Variants in OPHN1 observed in about 807,000 individuals in gnomAD.
The protein encoded by OPHN1 is oligophrenin-1.
OPHN1 carries 11 observed loss-of-function variants against 60.7 expected under a neutral mutation model. The ratio of observed to expected loss-of-function variants is 0.18; its 90% CI spans 0.11 to 0.30. OPHN1 has a LOEUF of 0.30. Ranked by LOEUF, OPHN1 falls within the 10% of genes least tolerant of loss-of-function variation. The pLI is 1.00. For synonymous variants in OPHN1, 226 were observed against 222.6 expected (o/e 1.02, Z -0.14); for missense variants, 449 against 611.0 (o/e 0.73, Z 2.80).
chrX:68,273,395 C>A (rs1203713472), intron 5 of OPHN1, among the ~76,000 whole-genome samples: 1 of 110,241 alleles, frequency 9.1e-6, no homozygotes, highest in African/African-American at 3.3e-5. Flanking sequence ...ATGAAACAGA[C>A]CTACACCTAG....
chrX:68,053,669 T>C lies in OPHN1; in HGVS notation c.2300A>G (p.Asn767Ser). 2.5e-6 allele frequency: 3 copies of C among 1,211,604 alleles called. No homozygotes were observed. The highest frequency in any genetic ancestry group is 3.4e-6 in the Non-Finnish European group (3 of 895,439). The change falls in exon 22 of 25, where the codon AAT (asparagine) becomes AGT (serine). Residue 767 changes from asparagine to serine, a missense_variant. By Grantham distance (46) the Asn-to-Ser change is conservative (BLOSUM62 1). Around this residue, in one of 4 missense-constraint regions of OPHN1, gnomAD observed 184 missense variants for 160.5 expected, o/e 1.15. Transcript: ENST00000355520. ...CACAGATGATGTGATTTCCCCCGCA[T>C]TGCCAGCCACAATATCTGGCTTTGG... ...PEPKPDIVAG[N>S]AGEITSSVVA...
chrX:68,190,915 A>G (rs752221568), intron 15 of OPHN1, among the ~76,000 whole-genome samples: 1 of 111,990 alleles, frequency 8.9e-6, no homozygotes, highest in Admixed American at 9.5e-5. Context: ...TAAGGTGATT[A>G]ATGAAAACAG....
intron 5 of OPHN1, among the ~76,000 whole-genome samples, chrX:68,255,316 G>T (rs1444283297): frequency 8.9e-6 from 1 of 111,824 alleles, no homozygotes; most frequent in Non-Finnish European, 1.9e-5. Flanking sequence ...ACAATATACT[G>T]AAATAAAAGT....
At chrX:68,216,363 A>C (rs978959872) in intron 6 of OPHN1, among the ~76,000 whole-genome samples, 2 of 111,724 alleles carry the variant, frequency 1.8e-5, no homozygotes, top group Non-Finnish European at 3.8e-5. Flanking sequence ...GATGGTAAAC[A>C]ATATAGTAGA....
chrX:68,153,696 T>A (rs1048272788), intron 15 of OPHN1, among the ~76,000 whole-genome samples: 1 of 111,434 alleles, frequency 9.0e-6, no homozygotes, highest in African/African-American at 3.3e-5. Flanking sequence ...GCACAAGGAT[T>A]CCTGCACATG....
intron 15 of OPHN1, among the ~76,000 whole-genome samples, chrX:68,129,150 C>T (rs1363317377): frequency 8.9e-6 from 1 of 111,911 alleles, no homozygotes; most frequent in Non-Finnish European, 1.9e-5. Flanking sequence ...GGAATGACTT[C>T]TAAACATATG....
intron 21 of OPHN1, among the ~76,000 whole-genome samples, chrX:68,061,145 C>T (rs901313670): frequency 3.6e-5 from 4 of 112,086 alleles, no homozygotes; most frequent in Non-Finnish European, 7.5e-5. Flanking sequence ...CTGCATCGTG[C>T]CAGCCTGTTG....
rs958094120 is a variant in OPHN1, at chrX:68,116,250, G to A, written c.1361+2998C>T. Among the ~76,000 whole-genome samples, 5 of 111,930 alleles carry A rather than the reference G, an allele frequency of 4.5e-5. No homozygotes were observed. In the South Asian group the frequency reaches 1.5e-3, roughly 34 times the overall value. On this transcript the variant is annotated intron_variant, in intron 16 of 24. Coordinates refer to ENST00000355520, the MANE Select transcript of OPHN1 (RefSeq NM_002547.3). Reference sequence around the variant, plus strand: ...GGAAAGAAATGAAGGAAAACAATGGGGGAAGGGGATTCTCTATAGAATGTG... The same window carrying A: ...GGAAAGAAATGAAGGAAAACAATGGAGGAAGGGGATTCTCTATAGAATGTG...
chrX:68,102,198 TTAGAACTCAGGATTAACAAAC>T (rs1278577936), intron 18 of OPHN1: 15 of 111,658 alleles, frequency 1.3e-4, no homozygotes, highest in Non-Finnish European at 1.9e-5. Context: ...TGCAATCAAA[TTAGAACTCAGGATTAACAAAC>T]TCACTCAAAA....
At chrX:68,376,956 G>A (rs1221685344) in intron 2 of OPHN1, among the ~76,000 whole-genome samples, 5 of 101,770 alleles carry the variant, frequency 4.9e-5, no homozygotes, top group Non-Finnish European at 9.9e-5. Flanking sequence ...TTGAGATGGA[G>A]TCTCACTCTA....
At chrX:68,271,052 C>A (rs903696053) in intron 5 of OPHN1, among the ~76,000 whole-genome samples, 1 of 111,566 alleles carries the variant, frequency 9.0e-6, no homozygotes, top group Non-Finnish European at 1.9e-5. Context: ...GCACCTATCA[C>A]AACCAGTGAA....
chrX:68,354,786 T>C (rs1305708539), intron 2 of OPHN1, among the ~76,000 whole-genome samples: 1 of 109,855 alleles, frequency 9.1e-6, no homozygotes, highest in Non-Finnish European at 1.9e-5. Context: ...AGAAACGTCA[T>C]GATGAGATAG....
chrX:68,058,019 G>A (rs2076879630), intron 21 of OPHN1, among the ~76,000 whole-genome samples: 1 of 111,207 alleles, frequency 9.0e-6, no homozygotes, highest in African/African-American at 3.3e-5. Context: ...GGGTACGTGT[G>A]CACAATGTGC....
chrX:68,101,393 T>C (rs184291678), intron 18 of OPHN1, among the ~76,000 whole-genome samples: 35 of 112,209 alleles, frequency 3.1e-4, no homozygotes, highest in Non-Finnish European at 5.4e-4. Context: ...TAAGAAACCA[T>C]TGATTTTCAG....
intron 20 of OPHN1, chrX:68,071,013 G>A (rs1471560497): frequency 8.1e-6 from 9 of 1,117,664 alleles, no homozygotes; most frequent in Non-Finnish European, 1.1e-5. Context: ...ACAGAGAAGT[G>A]CCAGTCTCCA....
At chrX:68,225,144 C>T (rs762267269) in intron 6 of OPHN1, among the ~76,000 whole-genome samples, 13 of 111,907 alleles carry the variant, frequency 1.2e-4, no homozygotes, top group African/African-American at 2.9e-4. Context: ...AGTCTGAGAG[C>T]GAACTGCAAG....
At chrX:68,209,226 C>T (rs750496797) in intron 9 of OPHN1, among the ~76,000 whole-genome samples, 1 of 111,781 alleles carries the variant, frequency 8.9e-6, no homozygotes, top group South Asian at 3.8e-4. Flanking sequence ...CATAATGTTA[C>T]TGAGGAATTA....
chrX:68,054,069 C>T (rs1297915216), intron 21 of OPHN1, among the ~76,000 whole-genome samples: 2 of 108,395 alleles, frequency 1.8e-5, no homozygotes, highest in Non-Finnish European at 3.8e-5. Flanking sequence ...GTCTCAGTTT[C>T]CCCAGCTATA....
intron 15 of OPHN1, among the ~76,000 whole-genome samples, chrX:68,129,235 G>A (rs770454174): frequency 9.0e-6 from 1 of 111,615 alleles, no homozygotes; most frequent in South Asian, 3.8e-4. Context: ...CTAAAAACTA[G>A]CACAGAGATG....
Sources: allele counts gnomAD v4.1 joint callset (sites outside exome capture counted in the v4.1 genomes callset), GRCh38; gene constraint gnomAD v4.1.1; regional missense constraint gnomAD v4.1.1; transcripts MANE v1.5; gene names NCBI Gene and HGNC (gene_info 2026-07-23, HGNC 2026-07-21).